COL19A1: variants seen among roughly 807,000 people sequenced by gnomAD.
COL19A1 encodes the protein collagen type XIX alpha 1 chain.
COL19A1 carries 159 observed loss-of-function variants against 190.2 expected under a neutral mutation model. The observed-to-expected ratio is 0.84, with a 90% CI of 0.73 to 0.95. The LOEUF (loss-of-function observed/expected upper bound fraction) is 0.95, where lower values mean the gene tolerates loss of function less well. COL19A1 is among the 40% of genes least tolerant of loss of function. The pLI is 0.00. For synonymous variants in COL19A1, 509 were observed against 458.9 expected, an observed-to-expected ratio of 1.11 and a Z score of -1.39; for missense variants, 1,418 against 1,431.9, an observed-to-expected ratio of 0.99 and a Z score of 0.16.
At chr6:69,957,949 A>C (rs1774527846) in intron 9 of COL19A1, among the ~76,000 whole-genome samples, 1 of 152,182 alleles carries the variant, frequency 6.6e-6, no homozygotes, top group Admixed American at 6.5e-5. Context: ...TGAGTCTAGA[A>C]TTATGTTTAT....
At chr6:70,074,447 C>T (rs917615554) in intron 15 of COL19A1, among the ~76,000 whole-genome samples, 7 of 132,852 alleles carry the variant, frequency 5.3e-5, no homozygotes, top group East Asian at 2.2e-4. Flanking sequence ...TGCAGTGAGC[C>T]GAGATTGTGC....
chr6:69,890,354 T>C (rs763022625), intron 2 of COL19A1: 1 of 152,228 alleles, frequency 6.6e-6, no homozygotes, highest in African/African-American at 2.4e-5. Context: ...AACTTACGCC[T>C]TGCCAAGTTT....
At chr6:70,206,847 G>A (rs1767894723) in intron 49 of COL19A1, 54 bp from the exon 50 acceptor site, 3 of 1,486,230 alleles carry the variant, frequency 2.0e-6, no homozygotes, top group South Asian at 1.2e-5. Flanking sequence ...TCTCTGTGCT[G>A]TGTTGCCATA....
chr6:70,206,175 T>C (rs1205633432), intron 49 of COL19A1, among the ~76,000 whole-genome samples: 1 of 152,248 alleles, frequency 6.6e-6, no homozygotes, highest in African/African-American at 2.4e-5. Context: ...CTTGTTCTCA[T>C]TTTAAGCAAG....
intron 16 of COL19A1, among the ~76,000 whole-genome samples, chr6:70,116,483 C>T (rs1042901782): frequency 6.6e-6 from 1 of 152,136 alleles, no homozygotes; most frequent in Non-Finnish European, 1.5e-5. Context: ...CAAACATGTA[C>T]ATAAGCCACT....
intron 49 of COL19A1, 56 bp from the exon 50 acceptor site, chr6:70,206,845 C>A: frequency 1.4e-6 from 2 of 1,460,938 alleles, no homozygotes; most frequent in South Asian, 2.4e-5. Context: ...CTTCTCTGTG[C>A]TGTGTTGCCA....
chr6:70,163,726 G>C lies in COL19A1; in HGVS notation c.2400+330G>C, dbSNP rs181615841. On this transcript the variant is annotated intron_variant, in intron 36 of 50. Transcript: ENST00000620364. ...GATGCAAGTAATGTGGTGTCTACCA[G>C]GGAGTTCCAGCCACAGGGGCTGTCA... Among the ~76,000 whole-genome samples the C allele has an allele frequency of 1.4e-4, 22 of 152,304 alleles. No homozygotes were observed. The East Asian group carries it at 3.9e-3, about 27-fold the overall frequency.
At chr6:69,913,036 C>A (rs899781437) in intron 4 of COL19A1, among the ~76,000 whole-genome samples, 1 of 152,062 alleles carries the variant, frequency 6.6e-6, no homozygotes, top group East Asian at 1.9e-4. Flanking sequence ...CTGCAGTGAG[C>A]CCTGATCATG....
intron 4 of COL19A1, among the ~76,000 whole-genome samples, chr6:69,905,700 T>C (rs1263357709): frequency 6.6e-6 from 1 of 152,218 alleles, no homozygotes; most frequent in Non-Finnish European, 1.5e-5. Flanking sequence ...CCTCGGCCTA[T>C]CCTTGACCAA....
chr6:70,023,822 A>G (rs1778583248), intron 12 of COL19A1, 142 bp downstream of exon 12: 2 of 663,920 alleles, frequency 3.0e-6, no homozygotes, highest in Admixed American at 3.2e-5. Flanking sequence ...GTTCTTTCAC[A>G]TGGCTCAGTA....
Position 70,190,952 on chromosome 6 carries a change from A to G in COL19A1, c.3094+571A>G, listed in dbSNP as rs553877178. Among the ~76,000 whole-genome samples the G allele has an allele frequency of 5.3e-5, 8 of 152,352 alleles. No individual in the cohort carries two copies. In the East Asian group the frequency reaches 1.5e-3, roughly 29 times the overall value. The stretch of plus-strand genomic sequence containing the variant: ...ATTTTTAAACGGTTTTTAAAAATCA[A>G]AAGATATTTCATGATATGTGAAAAT... On this transcript the variant is annotated intron_variant, in intron 48 of 50. Transcript: ENST00000620364.
intron 11 of COL19A1, among the ~76,000 whole-genome samples, chr6:70,020,504 A>G (rs1349436872): frequency 1.3e-5 from 2 of 152,094 alleles, no homozygotes; most frequent in Admixed American, 6.6e-5. Context: ...TAAATGCAGG[A>G]TTGCACATTT....
At chr6:70,082,611 A>G (rs1782326136) in intron 15 of COL19A1, among the ~76,000 whole-genome samples, 1 of 152,128 alleles carries the variant, frequency 6.6e-6, no homozygotes, top group Admixed American at 6.5e-5. Flanking sequence ...GGGTTTCACC[A>G]TGTTGGCCTG....
intron 15 of COL19A1, among the ~76,000 whole-genome samples, chr6:70,091,895 T>C (rs1782951944): frequency 6.6e-6 from 1 of 152,170 alleles, no homozygotes; most frequent in Non-Finnish European, 1.5e-5. Flanking sequence ...AAATTACTTT[T>C]ACCCAGTTAC....
intron 14 of COL19A1, among the ~76,000 whole-genome samples, chr6:70,058,700 T>A (rs1483166904): frequency 1.3e-5 from 2 of 152,022 alleles, no homozygotes; most frequent in East Asian, 3.9e-4. Flanking sequence ...CTGGTCACCC[T>A]CTAATTTATT....
At chr6:70,182,919 G>C (rs1285234458) in intron 44 of COL19A1, among the ~76,000 whole-genome samples, 3 of 152,158 alleles carry the variant, frequency 2.0e-5, no homozygotes, top group African/African-American at 7.2e-5. Flanking sequence ...CTTCCTAACT[G>C]TGGAGTGTGG....
chr6:70,153,522 C>T (rs1787213823), intron 31 of COL19A1, among the ~76,000 whole-genome samples: 1 of 152,032 alleles, frequency 6.6e-6, no homozygotes, highest in African/African-American at 2.4e-5. Flanking sequence ...GTAACCCTAA[C>T]CCAAAGAAAA....
intron 4 of COL19A1, among the ~76,000 whole-genome samples, chr6:69,921,395 C>CAT (rs374740274): frequency 0.037 from 2,981 of 79,842 alleles, 216 homozygotes; most frequent in African/African-American, 0.091. Flanking sequence ...TCATATATAT[C>CAT]ATATATCATA....
chr6:70,024,616 G>GT lies in COL19A1; in HGVS notation c.1080+936_1080+937insT, dbSNP rs1562096140. On this transcript the variant is annotated intron_variant, in intron 12 of 50. Transcript: ENST00000620364. Reference sequence around the variant, plus strand: ...GTGTGTGTGTGTGTGTGTGTGTGTGGGTGTGTGGGTGTGTGTGTGTGGAGT... The same window carrying GT: ...GTGTGTGTGTGTGTGTGTGTGTGTGGTGTGTGTGGGTGTGTGTGTGTGGAGT... Among the ~76,000 whole-genome samples, 233 of 120,106 alleles carry GT rather than the reference G, an allele frequency of 1.9e-3. 3 individuals carry two copies. Among genetic ancestry groups the GT allele is most frequent in the South Asian group, 6.1e-3 (22 of 3,614 alleles). The allele number at this position is 120,106 out of a possible 152,430, so 78.8% of individuals were successfully genotyped here. A position where few individuals can be genotyped will look rare whatever the true frequency, so the allele number is the denominator to read the frequency against.
Sources: allele counts gnomAD v4.1 joint callset (sites outside exome capture counted in the v4.1 genomes callset), GRCh38; gene constraint gnomAD v4.1.1; transcripts MANE v1.5; gene names NCBI Gene and HGNC (gene_info 2026-07-23, HGNC 2026-07-21).